DMD: variants seen among roughly 807,000 people sequenced by gnomAD.
The protein encoded by DMD is dystrophin.
DMD carries 63 observed loss-of-function variants against 330.1 expected under a neutral mutation model. The ratio of observed to expected loss-of-function variants is 0.19; its 90% CI spans 0.16 to 0.24. DMD has a LOEUF of 0.24. DMD is among the 10% of genes least tolerant of loss of function. The probability of loss-of-function intolerance (pLI) is 1.00; values close to 1 mark genes in which losing one functional copy is unlikely to be tolerated. For synonymous variants in DMD, 1,223 were observed against 959.8 expected, an observed-to-expected ratio of 1.27 and a Z score of -5.07; for missense variants, 3,344 against 2,684.1, an observed-to-expected ratio of 1.25 and a Z score of -5.43.
At chrX:31,531,690 AT>A (rs2073849035) in intron 55 of DMD, among the ~76,000 whole-genome samples, 1 of 108,579 alleles carries the variant, frequency 9.2e-6, no homozygotes, top group Non-Finnish European at 1.9e-5. Context: ...ATTAGATCCC[AT>A]TTGTCAATTT....
chrX:32,877,933 C>T (rs1376697931), intron 2 of DMD, among the ~76,000 whole-genome samples: 1 of 112,123 alleles, frequency 8.9e-6, no homozygotes, highest in Non-Finnish European at 1.9e-5. Flanking sequence ...ACTTCTCTTG[C>T]TCACCTACTT....
intron 47 of DMD, among the ~76,000 whole-genome samples, chrX:31,889,886 T>C (rs1471157112): frequency 9.1e-6 from 1 of 110,480 alleles, no homozygotes; most frequent in Non-Finnish European, 1.9e-5. Flanking sequence ...AAAATGTCCC[T>C]TGGATTCGTA....
chrX:32,909,991 A>C (rs891813333), intron 2 of DMD, among the ~76,000 whole-genome samples: 30 of 111,472 alleles, frequency 2.7e-4, no homozygotes, highest in African/African-American at 9.2e-4. Flanking sequence ...TTTTAGTCTT[A>C]TTCCTTTGCA....
At chrX:33,164,604 C>T (rs1198178215) in intron 1 of DMD, among the ~76,000 whole-genome samples, 1 of 112,234 alleles carries the variant, frequency 8.9e-6, no homozygotes, top group Non-Finnish European at 1.9e-5. Context: ...ATTATTACTA[C>T]ACTACTTTCA....
At chrX:32,242,527 A>C (rs149748829) in intron 43 of DMD, among the ~76,000 whole-genome samples, 1 of 111,902 alleles carries the variant, frequency 8.9e-6, no homozygotes, top group South Asian at 3.6e-4. Flanking sequence ...TTTTTTTTCA[A>C]TAATGGAAGC....
chrX:32,819,138 G>C (rs1267211428), intron 5 of DMD, among the ~76,000 whole-genome samples: 1 of 108,989 alleles, frequency 9.2e-6, no homozygotes, highest in African/African-American at 3.4e-5. Flanking sequence ...GAAATGAAGA[G>C]GGTAGGAATA....
At chrX:33,261,620 C>T (rs930977751) in intron 1 of DMD, among the ~76,000 whole-genome samples, 7 of 73,656 alleles carry the variant, frequency 9.5e-5, no homozygotes, top group Admixed American at 1.9e-4. Flanking sequence ...ACTAGAGATA[C>T]GGGAAGAACA....
intron 11 of DMD, among the ~76,000 whole-genome samples, chrX:32,624,377 A>G (rs1602263749): frequency 8.9e-6 from 1 of 111,971 alleles, no homozygotes; most frequent in East Asian, 2.8e-4. Flanking sequence ...TAAACTTCCA[A>G]TCGTTCAGAT....
chrX:31,434,480 G>A (rs1308165032), intron 60 of DMD, among the ~76,000 whole-genome samples: 1 of 96,002 alleles, frequency 1.0e-5, no homozygotes, highest in East Asian at 3.6e-4. Context: ...ACACATTTAG[G>A]TCCTTACTAT....
Position 31,131,753 on chromosome X carries a change from A to T in DMD, c.11014+2349T>A, listed in dbSNP as rs770645048. ...CCATTTTTCAAAATTAAAAAACAAAAGTGCTTTTAGTTGGAAAGAAAGCAT... is the reference window on the plus strand; with the variant it reads ...CCATTTTTCAAAATTAAAAAACAAATGTGCTTTTAGTTGGAAAGAAAGCAT... On this transcript the variant is annotated intron_variant, in intron 77 of 78. Transcript: ENST00000357033. Among the ~76,000 whole-genome samples, 5 of 111,993 alleles carry T rather than the reference A, an allele frequency of 4.5e-5. No individual in the cohort carries two copies. The South Asian group carries it at 1.9e-3, about 42-fold the overall frequency.
intron 60 of DMD, among the ~76,000 whole-genome samples, chrX:31,443,185 C>T (rs762055366): frequency 5.6e-4 from 63 of 111,744 alleles, no homozygotes; most frequent in Middle Eastern, 9.2e-3. Flanking sequence ...TCTAATTCTA[C>T]GGTTAAACTA....
intron 2 of DMD, among the ~76,000 whole-genome samples, chrX:32,925,852 A>G (rs2088962597): frequency 8.9e-6 from 1 of 112,077 alleles, no homozygotes; most frequent in Non-Finnish European, 1.9e-5. Context: ...TGATTTGGCC[A>G]TTGATTAACT....
At chrX:32,109,241 CA>C (rs2096578276) in intron 44 of DMD, among the ~76,000 whole-genome samples, 1 of 110,784 alleles carries the variant, frequency 9.0e-6, no homozygotes, top group South Asian at 3.7e-4. Flanking sequence ...AGCTACAATA[CA>C]ATTTTTTTTT....
At chrX:31,203,312 G>A (rs867671050) in intron 67 of DMD, among the ~76,000 whole-genome samples, 1 of 91,396 alleles carries the variant, frequency 1.1e-5, no homozygotes. Flanking sequence ...AAAGGAAAGA[G>A]AAAAAAAAAT....
At chrX:31,567,970 T>C (rs2075560937) in intron 55 of DMD, among the ~76,000 whole-genome samples, 1 of 111,682 alleles carries the variant, frequency 9.0e-6, no homozygotes, top group Non-Finnish European at 1.9e-5. Flanking sequence ...GTTGATGTTT[T>C]ATTTTCATTT....
chrX:32,458,028 C>T (rs756635188), intron 25 of DMD, among the ~76,000 whole-genome samples: 1 of 110,832 alleles, frequency 9.0e-6, no homozygotes. Flanking sequence ...AGGCTCTATA[C>T]ACCTTGAAAA....
chrX:32,521,392 C>G (rs1241772898), intron 17 of DMD, among the ~76,000 whole-genome samples: 1 of 111,873 alleles, frequency 8.9e-6, no homozygotes, highest in Non-Finnish European at 1.9e-5. Flanking sequence ...AATTTGCCTT[C>G]TATTTCTATG....
At chrX:33,016,714 A>C (rs2093809937) in intron 2 of DMD, among the ~76,000 whole-genome samples, 1 of 111,848 alleles carries the variant, frequency 8.9e-6, no homozygotes, top group Non-Finnish European at 1.9e-5. Flanking sequence ...CCATCATATC[A>C]CTCATTGGGA....
chrX:33,334,982 C>T (rs1057265999), intron 1 of DMD, among the ~76,000 whole-genome samples: 5 of 111,186 alleles, frequency 4.5e-5, no homozygotes, highest in South Asian at 7.4e-4. Flanking sequence ...TTTTCCATTG[C>T]TACCAAAGAG....
Sources: allele counts gnomAD v4.1 joint callset (sites outside exome capture counted in the v4.1 genomes callset), GRCh38; gene constraint gnomAD v4.1.1; transcripts MANE v1.5; gene names NCBI Gene and HGNC (gene_info 2026-07-23, HGNC 2026-07-21).